Variants in SLC4A11 observed in about 807,000 individuals in gnomAD.
SLC4A11 encodes the protein solute carrier family 4 member 11.
SLC4A11 carries 74 observed loss-of-function variants against 95.0 expected under a neutral mutation model. That is an observed-to-expected ratio of 0.78 (90% CI 0.65 to 0.95). The LOEUF (loss-of-function observed/expected upper bound fraction) is 0.95. Among genes scored for constraint, SLC4A11 ranks in the 40% least tolerant of loss-of-function variants. The pLI is 0.00. For missense variants in SLC4A11, 1,081 were observed against 1,192.4 expected (o/e 0.91, Z 1.38); for synonymous variants, 548 against 519.0 (o/e 1.06, Z -0.76).
chr20:3,235,282 C>G (rs6051667), intron 2 of SLC4A11, among the ~76,000 whole-genome samples: 33,227 of 93,256 alleles, frequency 0.36, 4,929 homozygotes, highest in African/African-American at 0.51. Context: ...GTATCCACGT[C>G]TCTCTCTCTC....
Position 3,234,902 on chromosome 20 carries a change from C to A in SLC4A11, c.89-8G>T, listed in dbSNP as rs3803957. 462,387 of 1,613,366 alleles carry A rather than the reference C, an allele frequency of 0.29. 67,813 individuals are homozygous for A. The highest frequency in any genetic ancestry group is 0.38 in the East Asian group (16,879 of 44,850). ...TGTCACACTTGTAGTAGCCTAGAGA[C>A]CCCCAAGAGCAAGAGGGCCTGGCTG... On this transcript the variant is annotated splice_polypyrimidine_tract_variant and splice_region_variant and intron_variant, in intron 2 of 19. Transcript: ENST00000642402. The surrounding 1 kb of genome is among the most constrained non-coding windows in gnomAD (Gnocchi z 5.8).
At chr20:3,238,464 G>A in intron 1 of SLC4A11, 1 of 1,022,620 alleles carries the variant, frequency 9.8e-7, no homozygotes, top group Non-Finnish European at 1.2e-6. Flanking sequence ...CAGGCCGTGG[G>A]CGACGAGGGT....
In SLC4A11 at chr20:3,234,147, G is replaced by A; in HGVS notation, c.459C>T (p.Asn153=). Residue 153 remains asparagine (N), a synonymous_variant, in exon 5 of 20, where the codon AAC becomes AAT. Transcript: ENST00000642402. This position sits in a 1 kb window ranked among gnomAD's most constrained non-coding sequence, Gnocchi z 5.8. ...TGGCCATGAGCAGGTCCAGGTTGCAGTTGGGCTCATTGTTGTCAGGGTCCC... is the reference window on the plus strand; with the variant it reads ...TGGCCATGAGCAGGTCCAGGTTGCAATTGGGCTCATTGTTGTCAGGGTCCC... ...FARDPDNNEP[N]CNLDLLMAML... The A allele has an allele frequency of 1.2e-6, 2 of 1,614,150 alleles. No homozygotes were observed. Among genetic ancestry groups the A allele is most frequent in the Non-Finnish European group, 1.7e-6 (2 of 1,180,022 alleles).
chr20:3,228,136 A>AGCCC, intron 19 of SLC4A11, 123 bp downstream of exon 19: 1 of 437,416 alleles, frequency 2.3e-6, no homozygotes, highest in Non-Finnish European at 4.4e-6. Context: ...CCTCCTGGGC[A>AGCCC]CCCACCCCAA....
intron 16 of SLC4A11, 35 bp downstream of exon 16, chr20:3,229,060 G>GGGGGCCC: frequency 3.9e-6 from 6 of 1,542,104 alleles, no homozygotes; most frequent in African/African-American, 1.4e-5. Flanking sequence ...AGAGGCCCGG[G>GGGGGCCC]CCCCGCCCAC....
At chr20:3,239,198 A>T, upstream of SLC4A11, 1 of 1,363,348 alleles carries the variant, frequency 7.3e-7, no homozygotes, top group Non-Finnish European at 9.4e-7. Context: ...TCTGGACCCC[A>T]AACTCGGCGA....
chr20:3,228,566 G>C lies in SLC4A11; in HGVS notation c.2334C>G (p.Thr778=). The C allele has an allele frequency of 6.2e-7, 1 of 1,613,268 alleles. No individual in the cohort carries two copies. The highest frequency in any genetic ancestry group is 8.5e-7 in the Non-Finnish European group (1 of 1,179,972). ...GGACGAGCTGGTTGCCATCGAGGGA[G>C]GTGAGCGCGATGTAGAGGAAGAGGC... The part of the protein sequence containing the change: ...LYGLFLYIAL[T]SLDGNQLVQR... The change falls in exon 18 of 20, where the codon ACC becomes ACG. Residue 778 remains threonine (T), a synonymous_variant. Coordinates refer to ENST00000642402, the MANE Select transcript of SLC4A11 (RefSeq NM_001174089.2).
rs755821162 is a variant in SLC4A11 at position 3,228,262 on chromosome 20, A to G, written c.2555T>C (p.Ile852Thr). ...CCCACTGCCCACCCGCCTGTACCGG[A>G]TGGGGATCATGGCGATCATGATGAG... ...FPLIMIAMIP[I>T]RYILLPRIIE... The change falls in exon 19 of 20, where the codon ATC (isoleucine) becomes ACC (threonine). Residue 852 changes from isoleucine to threonine, a missense_variant. Physicochemically the swap from Ile to Thr is moderately conservative, Grantham distance 89 (BLOSUM62 -1). Transcript: ENST00000642402. 1 of 1,611,036 alleles carries G rather than the reference A, an allele frequency of 6.2e-7. No homozygotes were observed. The highest frequency in any genetic ancestry group is 8.5e-7 in the Non-Finnish European group (1 of 1,179,512).
At chr20:3,229,906 C>T in intron 13 of SLC4A11, 130 bp from the exon 14 acceptor site, 1 of 1,296,052 alleles carries the variant, frequency 7.7e-7, no homozygotes, top group African/African-American at 1.5e-5. Flanking sequence ...TGCCCATGCA[C>T]CCACACTCCT....
rs886056632 is a variant in SLC4A11 at position 3,229,190 on chromosome 20, G to T, written c.1923C>A (p.Ala641=). 2 of 1,612,630 alleles carry T rather than the reference G, an allele frequency of 1.2e-6. No individual in the cohort carries two copies. Among genetic ancestry groups the T allele is most frequent in the African/African-American group, 2.7e-5 (2 of 75,036 alleles). The change falls in exon 16 of 20, where the codon GCC becomes GCA. Residue 641 remains alanine (A), a synonymous_variant. Coordinates refer to ENST00000642402, the MANE Select transcript of SLC4A11 (RefSeq NM_001174089.2). ...MAQIQSLSLR[A]VSGAMGLGFL... is the part of the protein sequence containing the mutation. ...AGCCGAGGCCCATGGCACCGCTGAC[G>T]GCCCTCAGGGACAGCGACTGGATCT... is the stretch of plus-strand genomic sequence containing the variant.
chr20:3,235,303 TCTCTCTCA>T (rs1316569793), intron 2 of SLC4A11, among the ~76,000 whole-genome samples: 37 of 114,952 alleles, frequency 3.2e-4, no homozygotes, highest in Middle Eastern at 4.2e-3. Flanking sequence ...TCTCTCTCTC[TCTCTCTCA>T]CACACACACA....
At position 3,234,488 on chromosome 20, in the gene SLC4A11, AGCG is replaced by A. The variant is rs1173105057; in HGVS notation, c.291+77_291+79del. 3.1e-6 allele frequency: 5 copies of A among 1,587,406 alleles called. No individual in the cohort carries two copies. The East Asian group carries it at 1.1e-4, about 36-fold the overall frequency. On this transcript the variant is annotated intron_variant, in intron 4 of 19. Transcript: ENST00000642402. The surrounding 1 kb of genome is among the most constrained non-coding windows in gnomAD (Gnocchi z 5.8). ...CCTGGAGGCATGGGAAGAGGGGAGCAGCGGGAGGATTCTCAGGGAAGCCATCAC... is the reference window on the plus strand; with the variant it reads ...CCTGGAGGCATGGGAAGAGGGGAGCAGGAGGATTCTCAGGGAAGCCATCAC...
Position 3,231,699 on chromosome 20 carries a change from G to A in SLC4A11, c.730-151C>T, listed in dbSNP as rs1380838698. The A allele has an allele frequency of 2.8e-6, 2 of 715,326 alleles. No individual in the cohort carries two copies. The highest frequency in any genetic ancestry group is 5.4e-5 in the East Asian group (2 of 36,958). The allele number at this position is 715,326 out of a possible 1,614,324, so 44.3% of individuals were successfully genotyped here. On this transcript the variant is annotated intron_variant, in intron 7 of 19. Coordinates refer to ENST00000642402, the MANE Select transcript of SLC4A11 (RefSeq NM_001174089.2). The surrounding 1 kb of genome is among the most constrained non-coding windows in gnomAD (Gnocchi z 5.2). Reference sequence around the variant, plus strand: ...GAGACAGGGTCTCACTGTCACCCAGGCTGAGTGCAGTGGCACACTCACGGC... The same window carrying A: ...GAGACAGGGTCTCACTGTCACCCAGACTGAGTGCAGTGGCACACTCACGGC...
chr20:3,233,432 G>A lies in SLC4A11; in HGVS notation c.729+82C>T, dbSNP rs1600591969. The stretch of plus-strand genomic sequence containing the variant: ...TGAGGACCAGGCCTTCAGAGGCCAG[G>A]ACATGTGGGAGGGGACCCCAAGCAG... On this transcript the variant is annotated intron_variant, in intron 7 of 19. Transcript: ENST00000642402. The A allele has an allele frequency of 3.3e-5, 52 of 1,598,426 alleles. 1 individual carries two copies. In the South Asian group the frequency reaches 5.6e-4, roughly 17 times the overall value.
At chr20:3,233,462 C>T (rs1037388220) in intron 7 of SLC4A11, 52 bp downstream of exon 7, 18 of 1,609,466 alleles carry the variant, frequency 1.1e-5, no homozygotes, top group Admixed American at 6.7e-5. Context: ...AAGCAGAGGG[C>T]GGGTAACCCG....
chr20:3,239,007 AT>A, intron 1 of SLC4A11, 87 bp downstream of exon 1: 1 of 1,411,920 alleles, frequency 7.1e-7, no homozygotes, highest in Non-Finnish European at 9.2e-7. Flanking sequence ...GGCAGACGGC[AT>A]CCGCGTTCTC....
chr20:3,238,189 G>A, intron 1 of SLC4A11: 1 of 1,430,544 alleles, frequency 7.0e-7, no homozygotes, highest in Non-Finnish European at 9.1e-7. Flanking sequence ...GTCCAAAAGG[G>A]AGAACAATTG....
chr20:3,229,202 C>G lies in SLC4A11; in HGVS notation c.1911G>C (p.Leu637=). 6.2e-7 allele frequency: 1 copy of G among 1,612,730 alleles called. No individual in the cohort carries two copies. Among genetic ancestry groups the G allele is most frequent in the Non-Finnish European group, 8.5e-7 (1 of 1,180,020 alleles). Residue 637 remains leucine (L), a synonymous_variant, in exon 16 of 20, where the codon CTG becomes CTC. Transcript: ENST00000642402. ...TGGCACCGCTGACGGCCCTCAGGGA[C>G]AGCGACTGGATCTGCGCCATCGCAA... is the stretch of plus-strand genomic sequence containing the variant. ...SPFAMAQIQS[L]SLRAVSGAMG...
chr20:3,234,372 C>T lies in SLC4A11; in HGVS notation c.292-58G>A. On this transcript the variant is annotated intron_variant, in intron 4 of 19. Coordinates refer to ENST00000642402, the MANE Select transcript of SLC4A11 (RefSeq NM_001174089.2). The surrounding 1 kb of genome is among the most constrained non-coding windows in gnomAD (Gnocchi z 5.8). ...CCCATGTATGAGATGCTGTCACTGCCTGGTCCCTCCCTCCCAGCCAGCCGC... is the reference window on the plus strand; with the variant it reads ...CCCATGTATGAGATGCTGTCACTGCTTGGTCCCTCCCTCCCAGCCAGCCGC... 1 of 1,555,954 alleles carries T rather than the reference C, an allele frequency of 6.4e-7. No homozygotes were observed. The highest frequency in any genetic ancestry group is 1.7e-5 in the Admixed American group (1 of 58,668).
Sources: gnomAD v4.1 joint callset for allele counts (sites outside exome capture counted in the v4.1 genomes callset) on GRCh38, gnomAD v4.1.1 for gene constraint, Gnocchi (gnomAD v3.1) non-coding constraint, MANE v1.5 for transcripts, NCBI Gene and HGNC (gene_info 2026-07-23, HGNC 2026-07-21) for gene names.